The following OSBPL10 variants were observed in gnomAD, a reference collection of about 807,000 sequenced individuals.
OSBPL10 encodes oxysterol binding protein like 10.
A neutral mutation model predicts 81.7 loss-of-function variants in OSBPL10; 49 were observed. That is an observed-to-expected ratio of 0.60 (90% CI 0.48 to 0.76). The LOEUF is 0.76. OSBPL10 is among the 30% of genes least tolerant of loss of function. OSBPL10 has a pLI of 0.00. For missense variants in OSBPL10, 923 were observed against 987.8 expected (o/e 0.93, Z 0.88); for synonymous variants, 419 against 383.6 (o/e 1.09, Z -1.08).
At chr3:31,914,101 A>T (rs1488798532) in intron 1 of OSBPL10, among the ~76,000 whole-genome samples, 7 of 152,100 alleles carry the variant, frequency 4.6e-5, no homozygotes, top group Non-Finnish European at 1.0e-4. Context: ...TTGTATTTTT[A>T]GTAGAGACAG....
At chr3:32,044,636 G>A (rs1239499035) in intron 2 of OSBPL10, among the ~76,000 whole-genome samples, 2 of 150,530 alleles carry the variant, frequency 1.3e-5, no homozygotes, top group Non-Finnish European at 2.9e-5. Flanking sequence ...AGCTACTCAG[G>A]AGGCTGAGGC....
intron 3 of OSBPL10, among the ~76,000 whole-genome samples, chr3:31,859,084 A>G (rs1319195229): frequency 6.6e-6 from 1 of 152,220 alleles, no homozygotes; most frequent in African/African-American, 2.4e-5. Context: ...GCTAAGAGAC[A>G]TTACTCGTTT....
At chr3:31,674,596 TAGATAGA>T in intron 8 of OSBPL10, among the ~76,000 whole-genome samples, 1 of 53,906 alleles carries the variant, frequency 1.9e-5, no homozygotes, top group East Asian at 4.6e-4. Context: ...GATAGATAGA[TAGATAGA>T]TAGATAGATA....
At chr3:31,862,444 C>CT (rs1333925983) in intron 3 of OSBPL10, among the ~76,000 whole-genome samples, 2 of 152,080 alleles carry the variant, frequency 1.3e-5, no homozygotes, top group Non-Finnish European at 2.9e-5. Flanking sequence ...CACCCTAGAA[C>CT]TTTAACTATC....
chr3:31,956,996 G>A (rs959938116), intron 1 of OSBPL10, among the ~76,000 whole-genome samples: 5 of 152,054 alleles, frequency 3.3e-5, no homozygotes, highest in Non-Finnish European at 7.4e-5. Context: ...TTATCTGGAT[G>A]TGGTGGTACA....
intron 3 of OSBPL10, among the ~76,000 whole-genome samples, chr3:31,858,660 C>T (rs1230095038): frequency 6.6e-6 from 1 of 152,172 alleles, no homozygotes; most frequent in African/African-American, 2.4e-5. Flanking sequence ...GGTACTGCCC[C>T]CAGAGAGCCT....
chr3:31,759,640 A>C (rs950201771), intron 4 of OSBPL10, among the ~76,000 whole-genome samples: 32 of 152,222 alleles, frequency 2.1e-4, no homozygotes, highest in African/African-American at 7.7e-4. Context: ...ACTCCCTAAA[A>C]ACTTATCTAA....
intron 4 of OSBPL10, among the ~76,000 whole-genome samples, chr3:31,771,440 C>T (rs1411733477): frequency 6.6e-6 from 1 of 152,028 alleles, no homozygotes; most frequent in Non-Finnish European, 1.5e-5. Flanking sequence ...AGAGTTTTGC[C>T]CAGGCCTTTC....
intron 1 of OSBPL10, among the ~76,000 whole-genome samples, chr3:31,888,322 G>T (rs904764123): frequency 6.6e-6 from 1 of 152,120 alleles, no homozygotes; most frequent in Non-Finnish European, 1.5e-5. Flanking sequence ...AACTCAAAAT[G>T]AATGAAAGAC....
At chr3:32,014,877 C>G (rs1188383776) in intron 2 of OSBPL10, among the ~76,000 whole-genome samples, 1 of 152,074 alleles carries the variant, frequency 6.6e-6, no homozygotes, top group Non-Finnish European at 1.5e-5. Flanking sequence ...ACCTAGGAAT[C>G]CAACTTACAA....
chr3:31,810,581 T>C (rs773765155), intron 4 of OSBPL10, among the ~76,000 whole-genome samples: 4 of 152,032 alleles, frequency 2.6e-5, no homozygotes, highest in Non-Finnish European at 5.9e-5. Context: ...TATACATATA[T>C]ATAAAACTCC....
At chr3:31,812,830 AAG>A (rs1273394534) in intron 4 of OSBPL10, among the ~76,000 whole-genome samples, 1 of 138,954 alleles carries the variant, frequency 7.2e-6, no homozygotes, top group Admixed American at 7.0e-5. Context: ...GAAAGAAAGA[AAG>A]AAAGAAAGAA....
chr3:31,792,782 T>A (rs1338494536), intron 4 of OSBPL10, among the ~76,000 whole-genome samples: 1 of 136,422 alleles, frequency 7.3e-6, no homozygotes, highest in Non-Finnish European at 1.6e-5. Context: ...TGTGTAAAAA[T>A]TCTCAGTTAT....
rs561432872 is a variant in OSBPL10, at chr3:32,026,723, T to C, written n.298+19768A>G. ...TACTAACGCTCTCTTTGTTTCAAAA[T>C]AGCCCACACAGCTGCATTTTGCAGG... On this transcript the variant is annotated intron_variant and non_coding_transcript_variant, in intron 2 of 3. Coordinates refer to the OSBPL10 transcript ENST00000479173. Among the ~76,000 whole-genome samples, 187 of 152,322 alleles carry C rather than the reference T, an allele frequency of 1.2e-3. 1 individual carries two copies. Among genetic ancestry groups the C allele is most frequent in the African/African-American group, 4.4e-3 (184 of 41,574 alleles).
chr3:31,949,667 CAAAAAAAAAAAAAAAAA>C (rs56002214), intron 1 of OSBPL10, among the ~76,000 whole-genome samples: 11 of 26,234 alleles, frequency 4.2e-4, no homozygotes, highest in East Asian at 1.6e-3. Flanking sequence ...GACTCTGTCT[CAAAAAAAAAAAAAAAAA>C]AAAAAAAAAA....
intron 4 of OSBPL10, among the ~76,000 whole-genome samples, chr3:31,789,042 G>T (rs552620470): frequency 1.1e-3 from 164 of 151,760 alleles, no homozygotes; most frequent in African/African-American, 3.9e-3. Context: ...GCGGTGGCGC[G>T]ATCTTGGCTC....
chr3:31,786,634 C>A (rs1037943164), intron 4 of OSBPL10, among the ~76,000 whole-genome samples: 4 of 152,146 alleles, frequency 2.6e-5, no homozygotes, highest in African/African-American at 9.7e-5. Context: ...CTCCAAAGAG[C>A]CCTACCTCTT....
intron 7 of OSBPL10, among the ~76,000 whole-genome samples, chr3:31,694,533 C>T (rs1011543218): frequency 6.6e-6 from 1 of 152,004 alleles, no homozygotes; most frequent in African/African-American, 2.4e-5. Context: ...GTAGTCAATG[C>T]TTTCTAAAAA....
intron 4 of OSBPL10, among the ~76,000 whole-genome samples, chr3:31,779,446 C>T (rs978517186): frequency 6.6e-6 from 1 of 151,954 alleles, no homozygotes; most frequent in Non-Finnish European, 1.5e-5. Flanking sequence ...TTTAAAGCAA[C>T]AACAGTTAAA....
Sources: allele counts gnomAD v4.1 joint callset (sites outside exome capture counted in the v4.1 genomes callset), GRCh38; gene constraint gnomAD v4.1.1; transcripts MANE v1.5; gene names NCBI Gene and HGNC (gene_info 2026-07-23, HGNC 2026-07-21).